Variants in DOCK3 observed in about 807,000 individuals in gnomAD.
DOCK3 encodes the protein dedicator of cytokinesis 3.
In DOCK3, 60 loss-of-function variants were observed where a neutral mutation model predicts 265.6. The observed-to-expected ratio is 0.23, with a 90% CI of 0.18 to 0.28. The LOEUF is 0.28. Ranked by LOEUF, DOCK3 falls within the 10% of genes least tolerant of loss-of-function variation. The probability of loss-of-function intolerance (pLI) is 1.00; values close to 1 mark genes in which losing one functional copy is unlikely to be tolerated. For synonymous variants in DOCK3, 881 were observed against 938.0 expected (o/e 0.94, Z 1.11); for missense variants, 1,981 against 2,594.3 (o/e 0.76, Z 5.14).
At chr3:51,263,554 A>G (rs557730722) in intron 23 of DOCK3, among the ~76,000 whole-genome samples, 2 of 152,344 alleles carry the variant, frequency 1.3e-5, no homozygotes, top group African/African-American at 4.8e-5. Context: ...TGACAGGATG[A>G]AATTCACACA....
intron 5 of DOCK3, among the ~76,000 whole-genome samples, chr3:50,935,379 G>GA (rs997249770): frequency 6.6e-6 from 1 of 152,100 alleles, no homozygotes; most frequent in Non-Finnish European, 1.5e-5. Context: ...GAATGAACTG[G>GA]AAAAATCTGG....
chr3:50,898,833 G>T (rs2049031213), intron 4 of DOCK3, among the ~76,000 whole-genome samples: 1 of 152,150 alleles, frequency 6.6e-6, no homozygotes, highest in African/African-American at 2.4e-5. Flanking sequence ...TGATTGCACT[G>T]TGGTCTGAGA....
chr3:50,989,388 G>C (rs2078023454), intron 5 of DOCK3, among the ~76,000 whole-genome samples: 1 of 152,158 alleles, frequency 6.6e-6, no homozygotes. Flanking sequence ...GCAGTCAGGG[G>C]GGAGAGGAAC....
At chr3:50,962,050 G>C (rs945957152) in intron 5 of DOCK3, among the ~76,000 whole-genome samples, 1 of 151,396 alleles carries the variant, frequency 6.6e-6, no homozygotes, top group Non-Finnish European at 1.5e-5. Flanking sequence ...TGTGCAGAAC[G>C]TGCAGGTTTG....
chr3:51,122,963 G>A (rs1488887520), intron 9 of DOCK3, among the ~76,000 whole-genome samples: 5 of 152,206 alleles, frequency 3.3e-5, no homozygotes, highest in African/African-American at 4.8e-5. Context: ...TCTGAAACCT[G>A]TCTCAAGCCC....
intron 21 of DOCK3, 29 bp downstream of exon 21, chr3:51,237,619 A>G (rs1482818824): frequency 6.3e-7 from 1 of 1,587,524 alleles, no homozygotes; most frequent in East Asian, 2.2e-5. Flanking sequence ...CATCATTAGG[A>G]CTCGTGTTTG....
At chr3:51,379,645 T>C in intron 51 of DOCK3, 1 of 985,094 alleles carries the variant, frequency 1.0e-6, no homozygotes, top group Non-Finnish European at 1.2e-6. Flanking sequence ...GCAACAGCCA[T>C]CTAAGCTGAG....
At chr3:50,790,811 T>C (rs1037921936) in intron 2 of DOCK3, among the ~76,000 whole-genome samples, 1 of 152,212 alleles carries the variant, frequency 6.6e-6, no homozygotes, top group Non-Finnish European at 1.5e-5. Context: ...TGATCTTCCA[T>C]TCTGACTGGT....
intron 12 of DOCK3, among the ~76,000 whole-genome samples, chr3:51,197,342 G>T (rs1251705947): frequency 6.6e-6 from 1 of 152,148 alleles, no homozygotes; most frequent in African/African-American, 2.4e-5. Flanking sequence ...GTGGTGGATT[G>T]CACAAGTGGG....
At chr3:51,212,272 A>G (rs532471492) in intron 13 of DOCK3, among the ~76,000 whole-genome samples, 5 of 152,326 alleles carry the variant, frequency 3.3e-5, no homozygotes, top group Admixed American at 3.3e-4. Flanking sequence ...GGGTAGCTCA[A>G]AAGCTAACTG....
intron 14 of DOCK3, among the ~76,000 whole-genome samples, chr3:51,223,698 A>G (rs1379553574): frequency 1.3e-5 from 2 of 152,198 alleles, no homozygotes; most frequent in Non-Finnish European, 2.9e-5. Context: ...TTCCAGGTAT[A>G]ACTATGATTT....
chr3:50,841,624 C>T, intron 2 of DOCK3, 51 bp from the exon 3 acceptor site: 1 of 822,048 alleles, frequency 1.2e-6, no homozygotes, highest in Non-Finnish European at 1.8e-6. Context: ...TATTGTGTCT[C>T]TTATTGAACA....
chr3:51,192,873 C>G (rs1401823080), intron 12 of DOCK3, among the ~76,000 whole-genome samples: 1 of 152,110 alleles, frequency 6.6e-6, no homozygotes, highest in Admixed American at 6.6e-5. Context: ...CTAGCTAACT[C>G]GGGCTAACTC....
chr3:51,119,157 T>A (rs2083900505), intron 9 of DOCK3, among the ~76,000 whole-genome samples: 1 of 152,106 alleles, frequency 6.6e-6, no homozygotes, highest in African/African-American at 2.4e-5. Context: ...AAGGCAGGCC[T>A]GGGTAGTGAC....
intron 23 of DOCK3, among the ~76,000 whole-genome samples, chr3:51,269,116 A>C (rs111816470): frequency 9.6e-6 from 1 of 103,908 alleles, no homozygotes. Context: ...TCTCTCTCTC[A>C]CTGTCTCTCT....
chr3:50,758,710 C>T (rs1300403812), intron 1 of DOCK3, among the ~76,000 whole-genome samples: 1 of 152,130 alleles, frequency 6.6e-6, no homozygotes, highest in Non-Finnish European at 1.5e-5. Flanking sequence ...AACCAAAATT[C>T]TACTTTTTTC....
intron 21 of DOCK3, among the ~76,000 whole-genome samples, chr3:51,241,624 C>T (rs891723001): frequency 6.6e-6 from 1 of 152,098 alleles, no homozygotes. Context: ...CATTCATTTT[C>T]ATTCTTTTTT....
intron 12 of DOCK3, among the ~76,000 whole-genome samples, chr3:51,194,616 T>C (rs1030496667): frequency 6.6e-6 from 1 of 152,168 alleles, no homozygotes; most frequent in Non-Finnish European, 1.5e-5. Context: ...TTAGAATTTT[T>C]TATCATCTTG....
At chr3:51,035,475 G>A (rs567607974) in intron 5 of DOCK3, among the ~76,000 whole-genome samples, 2 of 151,880 alleles carry the variant, frequency 1.3e-5, no homozygotes, top group African/African-American at 2.4e-5. Context: ...TTTATTAAGG[G>A]CATATCATTC....
Sources: gnomAD v4.1 joint callset for allele counts (sites outside exome capture counted in the v4.1 genomes callset) on GRCh38, gnomAD v4.1.1 for gene constraint, MANE v1.5 for transcripts, NCBI Gene and HGNC (gene_info 2026-07-23, HGNC 2026-07-21) for gene names.